The following HECW1 variants were observed in gnomAD, a reference collection of about 807,000 sequenced individuals.
HECW1 encodes HECT, C2 and WW domain containing E3 ubiquitin protein ligase 1.
In HECW1, 61 loss-of-function variants were observed where a neutral mutation model predicts 182.3. The observed-to-expected ratio is 0.33, with a 90% confidence interval of 0.27 to 0.41. The LOEUF (loss-of-function observed/expected upper bound fraction) is 0.41, where lower values mean the gene tolerates loss of function less well. HECW1 is among the 10% of genes least tolerant of loss of function. HECW1 has a pLI of 1.00. For synonymous variants in HECW1, 859 were observed against 832.6 expected (o/e 1.03, Z -0.55); for missense variants, 1,739 against 2,108.9 (o/e 0.82, Z 3.44).
At chr7:43,542,096 C>A (rs976068176) in intron 26 of HECW1, 98 bp downstream of exon 26, 2 of 1,027,382 alleles carry the variant, frequency 1.9e-6, no homozygotes, top group Non-Finnish European at 2.6e-6. Flanking sequence ...TAAGTGTAGA[C>A]TTCAGTGCTT....
At position 43,319,393 on chromosome 7, in the gene HECW1, C is replaced by CAAAAAAAAAA. The variant is rs529109893; in HGVS notation, c.353-1235_353-1226dup. Among the ~76,000 whole-genome samples, 105 of 67,678 alleles carry CAAAAAAAAAA rather than the reference C, an allele frequency of 1.6e-3. 1 individual carries two copies. The highest frequency in any genetic ancestry group is 4.1e-3 in the African/African-American group (100 of 24,420). The allele number at this position is 67,678 out of a possible 152,430, so 44.4% of individuals were successfully genotyped here. On this transcript the variant is annotated intron_variant, in intron 4 of 29. Transcript: ENST00000395891. ...TGGGCGACAGAGCGAGACTCCGTCTCAAAAAAAAAAAAAAAAGAGAGAACA... is the reference window on the plus strand; with the variant it reads ...TGGGCGACAGAGCGAGACTCCGTCTCAAAAAAAAAAAAAAAAAAAAAAAAAAGAGAGAACA...
intron 3 of HECW1, among the ~76,000 whole-genome samples, chr7:43,280,486 A>G (rs1449029565): frequency 6.6e-6 from 1 of 152,230 alleles, no homozygotes; most frequent in East Asian, 1.9e-4. Context: ...ATCCCAGGCC[A>G]CTGAGACGTA....
At chr7:43,241,325 G>A (rs903986267) in intron 2 of HECW1, 4 of 152,150 alleles carry the variant, frequency 2.6e-5, no homozygotes, top group Admixed American at 2.0e-4. Context: ...ATGAAAGAGG[G>A]TTCCATCCAG....
At chr7:43,416,382 C>T (rs1268876090) in intron 8 of HECW1, among the ~76,000 whole-genome samples, 22 of 146,346 alleles carry the variant, frequency 1.5e-4, no homozygotes, top group East Asian at 1.2e-3. Context: ...GGCAGTCTGC[C>T]GGTTCTCAGA....
chr7:43,434,051 AC>A (rs1334139779), intron 8 of HECW1, among the ~76,000 whole-genome samples: 3 of 152,162 alleles, frequency 2.0e-5, no homozygotes, highest in African/African-American at 7.2e-5. Context: ...TTAAAAAAAA[AC>A]AAAAAACCTT....
chr7:43,128,248 G>A (rs932399787), intron 2 of HECW1, among the ~76,000 whole-genome samples: 2 of 152,208 alleles, frequency 1.3e-5, no homozygotes, highest in African/African-American at 4.8e-5. Flanking sequence ...GATTTTCATA[G>A]CTAGAGAGAA....
At chr7:43,523,293 C>A in intron 24 of HECW1, 1 of 187,194 alleles carries the variant, frequency 5.3e-6, no homozygotes. Flanking sequence ...TCATGAGCCG[C>A]CATGCCTGGC....
rs10256411 is a variant in HECW1, at chr7:43,483,521, T to A, written c.3234+3777T>A. 2.8e-3 allele frequency among the ~76,000 whole-genome samples: 421 copies of A among 150,422 alleles called. 6 individuals carry two copies. The East Asian group carries it at 0.034, about 12-fold the overall frequency. ...AGGGAGTTCAGGACCACAGCTCAGG[T>A]TTCCTAACAGTCATCCATGCAAACT... is the stretch of plus-strand genomic sequence containing the variant. On this transcript the variant is annotated intron_variant, in intron 17 of 29. Coordinates refer to ENST00000395891, the MANE Select transcript of HECW1 (RefSeq NM_015052.5).
At chr7:43,542,591 T>G (rs1248766552) in intron 26 of HECW1, among the ~76,000 whole-genome samples, 2 of 152,208 alleles carry the variant, frequency 1.3e-5, no homozygotes, top group South Asian at 4.1e-4. Flanking sequence ...ATTTGTCTGT[T>G]GATGAACACC....
chr7:43,404,158 T>C (rs1197982878), intron 7 of HECW1, among the ~76,000 whole-genome samples: 4 of 152,226 alleles, frequency 2.6e-5, no homozygotes, highest in Non-Finnish European at 4.4e-5. Context: ...TTTTAAATTA[T>C]ACCTCTTATT....
chr7:43,320,851 A>G (rs1173437628), intron 5 of HECW1, 109 bp downstream of exon 5: 1 of 786,102 alleles, frequency 1.3e-6, no homozygotes, highest in East Asian at 2.6e-5. Context: ...TGGGCCCTCT[A>G]AAAGAGAGGT....
intron 3 of HECW1, among the ~76,000 whole-genome samples, chr7:43,272,595 A>G (rs1438782603): frequency 9.9e-5 from 15 of 152,236 alleles, no homozygotes; most frequent in Admixed American, 6.5e-5. Context: ...ACTAATCATC[A>G]GAGAAATGCA....
At chr7:43,264,287 C>T (rs1801503313) in intron 3 of HECW1, among the ~76,000 whole-genome samples, 1 of 152,186 alleles carries the variant, frequency 6.6e-6, no homozygotes, top group Non-Finnish European at 1.5e-5. Context: ...CTCTCTGCTT[C>T]TGTGAATTTG....
intron 7 of HECW1, among the ~76,000 whole-genome samples, chr7:43,402,110 G>A (rs1357679504): frequency 1.3e-5 from 2 of 152,036 alleles, no homozygotes; most frequent in Non-Finnish European, 2.9e-5. Context: ...AGCTACCTCC[G>A]CCAATCACTG....
At chr7:43,259,274 C>G (rs1297192492) in intron 3 of HECW1, among the ~76,000 whole-genome samples, 1 of 152,018 alleles carries the variant, frequency 6.6e-6, no homozygotes, top group Non-Finnish European at 1.5e-5. Context: ...GTAGTCCCAG[C>G]TACTCAGGAG....
At chr7:43,382,669 A>G (rs190370287) in intron 6 of HECW1, among the ~76,000 whole-genome samples, 138 of 152,324 alleles carry the variant, frequency 9.1e-4, no homozygotes, top group African/African-American at 3.1e-3. Context: ...CAGTGGATCT[A>G]TCCCACCAGA....
intron 3 of HECW1, among the ~76,000 whole-genome samples, chr7:43,263,257 A>C (rs1801378856): frequency 6.6e-6 from 1 of 152,216 alleles, no homozygotes; most frequent in Non-Finnish European, 1.5e-5. Flanking sequence ...GGTTTTCATT[A>C]ACTTATTAAA....
chr7:43,300,163 T>C (rs1276436086), intron 3 of HECW1, among the ~76,000 whole-genome samples: 1 of 152,256 alleles, frequency 6.6e-6, no homozygotes, highest in East Asian at 1.9e-4. Context: ...CTATCCTAAA[T>C]CACTACAGAT....
At chr7:43,473,214 C>G (rs757146022) in intron 16 of HECW1, among the ~76,000 whole-genome samples, 5 of 152,226 alleles carry the variant, frequency 3.3e-5, no homozygotes, top group Non-Finnish European at 7.3e-5. Flanking sequence ...CTCCCCTTCA[C>G]CCTCCACCGT....
Sources: allele counts gnomAD v4.1 joint callset (sites outside exome capture counted in the v4.1 genomes callset), GRCh38; gene constraint gnomAD v4.1.1; transcripts MANE v1.5; gene names NCBI Gene and HGNC (gene_info 2026-07-23, HGNC 2026-07-21).